Variants in SGCZ observed in about 807,000 individuals in gnomAD.
The protein encoded by SGCZ is sarcoglycan zeta, also known as zeta-sarcoglycan.
SGCZ carries 40 observed loss-of-function variants against 41.3 expected under a neutral mutation model. The observed-to-expected ratio is 0.97, with a 90% CI of 0.75 to 1.26. SGCZ has a LOEUF of 1.26. Among genes scored for constraint, SGCZ ranks in the 50% most tolerant of loss-of-function variants. The probability of loss-of-function intolerance (pLI) is 0.00; values close to 1 mark genes in which losing one functional copy is unlikely to be tolerated. For missense variants in SGCZ, 552 were observed against 369.8 expected (o/e 1.49, Z -4.04); for synonymous variants, 206 against 137.5 (o/e 1.50, Z -3.49).
rs534142091 is a variant in SGCZ, at chr8:14,205,266, A to G, written c.424+32326T>C. 2.9e-3 allele frequency among the ~76,000 whole-genome samples: 442 copies of G among 151,678 alleles called. 2 individuals carry two copies. The highest frequency in any genetic ancestry group is 9.3e-3 in the African/African-American group (385 of 41,298). ...TCTCTGGAGACATCAATTGAAATAG[A>G]CTCCCCCTCAACATGCTAACTAGTC... On this transcript the variant is annotated intron_variant, in intron 4 of 7. Coordinates refer to ENST00000382080, the MANE Select transcript of SGCZ (RefSeq NM_139167.4).
chr8:14,407,446 G>T (rs898608855), intron 2 of SGCZ, among the ~76,000 whole-genome samples: 3 of 151,992 alleles, frequency 2.0e-5, no homozygotes, highest in Non-Finnish European at 4.4e-5. Flanking sequence ...TGTGTTGGGT[G>T]GTGGATTCAG....
chr8:14,672,830 G>T (rs1326992464), intron 1 of SGCZ, among the ~76,000 whole-genome samples: 1 of 152,016 alleles, frequency 6.6e-6, no homozygotes, highest in Non-Finnish European at 1.5e-5. Context: ...ATGAATAAAT[G>T]GTCTACATAA....
intron 3 of SGCZ, among the ~76,000 whole-genome samples, chr8:14,306,163 C>G (rs1359517094): frequency 1.3e-5 from 2 of 152,096 alleles, no homozygotes; most frequent in East Asian, 1.9e-4. Flanking sequence ...TTACATATAA[C>G]TTTTAGAAAA....
chr8:14,798,253 T>C (rs1585269237), intron 1 of SGCZ, among the ~76,000 whole-genome samples: 1 of 152,142 alleles, frequency 6.6e-6, no homozygotes, highest in Non-Finnish European at 1.5e-5. Context: ...AGTATAGAAA[T>C]CAATGAAGAA....
rs151129035 is a variant in SGCZ at position 14,813,441 on chromosome 8, C to A, written c.40-258515G>T. Among the ~76,000 whole-genome samples, 4 of 152,062 alleles carry A rather than the reference C, an allele frequency of 2.6e-5. No individual in the cohort carries two copies. The East Asian group carries it at 7.7e-4, about 29-fold the overall frequency. ...GGTTAACTCATTATAGCTAGAAATG[C>A]AAATCTGATAAATTGTTCGTTACAC... On this transcript the variant is annotated intron_variant, in intron 1 of 7. Transcript: ENST00000382080.
chr8:14,243,824 CTCAG>C (rs1343743901), intron 3 of SGCZ, among the ~76,000 whole-genome samples: 6 of 152,146 alleles, frequency 3.9e-5, no homozygotes, highest in East Asian at 3.9e-4. Context: ...CCTTCAGTTC[CTCAG>C]TCAGTGTTGA....
intron 5 of SGCZ, among the ~76,000 whole-genome samples, chr8:14,154,268 C>T (rs988399010): frequency 2.0e-5 from 3 of 152,046 alleles, no homozygotes; most frequent in African/African-American, 7.2e-5. Flanking sequence ...TAGCAGGAGG[C>T]TGAGGCAGGA....
chr8:14,242,195 A>G (rs1798915771), intron 3 of SGCZ, among the ~76,000 whole-genome samples: 1 of 152,212 alleles, frequency 6.6e-6, no homozygotes, highest in African/African-American at 2.4e-5. Context: ...TGGGTGTTTC[A>G]GGTAAGGATT....
intron 1 of SGCZ, among the ~76,000 whole-genome samples, chr8:15,116,336 C>A (rs996511462): frequency 2.0e-5 from 3 of 152,144 alleles, no homozygotes; most frequent in African/African-American, 7.2e-5. Context: ...AACTTTCTGC[C>A]TTAAATCTTA....
At chr8:14,357,168 C>T (rs915457807) in intron 2 of SGCZ, among the ~76,000 whole-genome samples, 76 of 152,158 alleles carry the variant, frequency 5.0e-4, no homozygotes, top group African/African-American at 1.8e-3. Context: ...AGAATTAAAA[C>T]AATATAAAAA....
chr8:14,113,406 A>C (rs1391472748), intron 5 of SGCZ, among the ~76,000 whole-genome samples: 1 of 152,092 alleles, frequency 6.6e-6, no homozygotes, highest in Non-Finnish European at 1.5e-5. Context: ...TAATTATAAC[A>C]GTTGCTTACG....
At chr8:14,690,140 G>C (rs1325683674) in intron 1 of SGCZ, among the ~76,000 whole-genome samples, 1 of 149,654 alleles carries the variant, frequency 6.7e-6, no homozygotes, top group South Asian at 2.1e-4. Flanking sequence ...AAAGTCCATG[G>C]ACTTCTAAAG....
At chr8:14,210,874 G>C (rs561138742) in intron 4 of SGCZ, among the ~76,000 whole-genome samples, 2 of 152,200 alleles carry the variant, frequency 1.3e-5, no homozygotes, top group South Asian at 2.1e-4. Flanking sequence ...TAAATGCCTA[G>C]ACCATTGCAA....
intron 3 of SGCZ, among the ~76,000 whole-genome samples, chr8:14,302,673 T>G (rs1006339581): frequency 8.5e-5 from 13 of 152,110 alleles, no homozygotes; most frequent in Non-Finnish European, 1.8e-4. Context: ...TGCCGAATAC[T>G]TCTATTAAAA....
intron 1 of SGCZ, among the ~76,000 whole-genome samples, chr8:15,034,072 T>C (rs538103834): frequency 1.1e-4 from 16 of 148,392 alleles, no homozygotes; most frequent in Non-Finnish European, 2.4e-4. Flanking sequence ...AAAGACACAA[T>C]AGCACAAAAG....
chr8:14,230,015 G>A lies in SGCZ; in HGVS notation c.424+7577C>T, dbSNP rs570384768. On this transcript the variant is annotated intron_variant, in intron 4 of 7. Transcript: ENST00000382080. ...AAAGCATAGCTAGGATGTTGATTTA[G>A]TTGTGCTCATTTACCTTCTTCATTT... Among the ~76,000 whole-genome samples the A allele has an allele frequency of 2.6e-5, 4 of 152,210 alleles. No homozygotes were observed. In the South Asian group the frequency reaches 8.3e-4, roughly 32 times the overall value.
At chr8:14,504,029 C>T (rs1585604241) in intron 2 of SGCZ, among the ~76,000 whole-genome samples, 1 of 152,008 alleles carries the variant, frequency 6.6e-6, no homozygotes, top group Non-Finnish European at 1.5e-5. Flanking sequence ...TTTATCTGCC[C>T]TTTATTTCTC....
chr8:15,019,346 G>A (rs1803163601), intron 1 of SGCZ, among the ~76,000 whole-genome samples: 1 of 152,166 alleles, frequency 6.6e-6, no homozygotes, highest in African/African-American at 2.4e-5. Context: ...GAAGGATAAA[G>A]GGCAACCGTG....
chr8:14,711,247 G>T (rs1809504472), intron 1 of SGCZ, among the ~76,000 whole-genome samples: 1 of 151,814 alleles, frequency 6.6e-6, no homozygotes, highest in Non-Finnish European at 1.5e-5. Flanking sequence ...CTTAAATTCA[G>T]TTCTCCATCT....
Sources: gnomAD v4.1 joint callset for allele counts (sites outside exome capture counted in the v4.1 genomes callset) on GRCh38, gnomAD v4.1.1 for gene constraint, MANE v1.5 for transcripts, NCBI Gene and HGNC (gene_info 2026-07-23, HGNC 2026-07-21) for gene names.